The following CLN3 variants were observed in gnomAD, a reference collection of about 807,000 sequenced individuals.
CLN3 encodes the protein CLN3 lysosomal/endosomal transmembrane protein, battenin.
CLN3 carries 49 observed loss-of-function variants against 60.7 expected under a neutral mutation model. That is an observed-to-expected ratio of 0.81 (90% CI 0.64 to 1.02). The LOEUF is 1.02. Ranked by LOEUF, CLN3 falls within the 50% of genes least tolerant of loss-of-function variation. CLN3 has a pLI of 0.00. For missense variants in CLN3, 516 were observed against 557.4 expected (o/e 0.93, Z 0.75); for synonymous variants, 256 against 245.8 (o/e 1.04, Z -0.39).
chr16:28,474,599 T>G (rs571699142), downstream of CLN3, among the ~76,000 whole-genome samples: 2 of 152,206 alleles, frequency 1.3e-5, no homozygotes, highest in African/African-American at 4.8e-5. Flanking sequence ...GAATGTAAAA[T>G]TGCAGCCACT....
downstream of CLN3, among the ~76,000 whole-genome samples, chr16:28,474,847 A>G (rs1376639131): frequency 6.6e-6 from 1 of 152,200 alleles, no homozygotes; most frequent in African/African-American, 2.4e-5. Context: ...CATGGGTAAT[A>G]ATCCCAGACC....
At chr16:28,489,832 G>A (rs191841582) in intron 3 of CLN3, among the ~76,000 whole-genome samples, 192 of 152,226 alleles carry the variant, frequency 1.3e-3, no homozygotes, top group Non-Finnish European at 1.1e-3. Context: ...CGAGGCGGGC[G>A]GATCGCCTGA....
At chr16:28,487,933 T>G in intron 5 of CLN3, 192 bp from the exon 6 acceptor site, 1 of 602,976 alleles carries the variant, frequency 1.7e-6, no homozygotes, top group Non-Finnish European at 3.0e-6. Flanking sequence ...CTCTCTGAGC[T>G]TCAGTTTCCT....
intron 14 of CLN3, among the ~76,000 whole-genome samples, chr16:28,481,696 T>C (rs2046098601): frequency 6.6e-6 from 1 of 152,080 alleles, no homozygotes; most frequent in Non-Finnish European, 1.5e-5. Flanking sequence ...TTTGGTTCCC[T>C]GTGCTAAGAA....
rs946712652 is a variant in CLN3, at chr16:28,492,045, A to G, written c.-102T>C. On this transcript the variant is annotated 5_prime_UTR_variant, in exon 1 of 16. Transcript: ENST00000636147. ...CTTTAAGAGCAGCAGAATGTTCTGC[A>G]CTATGCAGAGGCCGTTTGTCGGATC... The G allele has an allele frequency of 1.8e-6, 1 of 555,914 alleles. No homozygotes were observed. The highest frequency in any genetic ancestry group is 3.2e-6 in the Non-Finnish European group (1 of 308,900). The allele number at this position is 555,914 out of a possible 1,614,324, so 34.4% of individuals were successfully genotyped here.
downstream of CLN3, among the ~76,000 whole-genome samples, chr16:28,471,792 C>T (rs2045952081): frequency 1.3e-5 from 2 of 149,016 alleles, no homozygotes; most frequent in Admixed American, 1.4e-4. Context: ...CATCTTACTG[C>T]CTGTGTGTGT....
At chr16:28,473,351 T>C (rs2045967350), downstream of CLN3, among the ~76,000 whole-genome samples, 2 of 152,148 alleles carry the variant, frequency 1.3e-5, no homozygotes, top group Admixed American at 1.3e-4. Context: ...CCCAGAATGC[T>C]GGGATTATAG....
rs767753225 is a variant in CLN3, at chr16:28,481,417, AACACACACACACAC to A, written c.1056+674_1056+687del. On this transcript the variant is annotated intron_variant, in intron 14 of 15. Transcript: ENST00000636147. ...GGCCCGGCCCAATCCCAATGCTTAA[AACACACACACACAC>A]ACACACACACACACACACACACGCA... Among the ~76,000 whole-genome samples, 46 of 129,676 alleles carry A rather than the reference AACACACACACACAC, an allele frequency of 3.5e-4. 1 individual carries two copies. The East Asian group carries it at 6.9e-3, about 20-fold the overall frequency. 85.1% of individuals were successfully genotyped at this position (129,676 alleles called of 152,430 possible).
intron 3 of CLN3, among the ~76,000 whole-genome samples, chr16:28,489,950 A>G (rs1430065077): frequency 6.6e-6 from 1 of 151,518 alleles, no homozygotes; most frequent in Non-Finnish European, 1.5e-5. Flanking sequence ...CTAGCTACTC[A>G]GGAGGCTGAG....
chr16:28,486,405 G>A lies in CLN3; in HGVS notation c.619C>T (p.Leu207Phe), dbSNP rs1335688123. 5.0e-6 allele frequency: 8 copies of A among 1,613,302 alleles called. No individual in the cohort carries two copies. Among genetic ancestry groups the A allele is most frequent in the Non-Finnish European group, 6.8e-6 (8 of 1,179,968 alleles). Residue 207 changes from leucine to phenylalanine, a missense_variant, in exon 9 of 16, where the codon CTC (leucine) becomes TTC (phenylalanine). Leu to Phe is a conservative substitution (Grantham distance 22). Transcript: ENST00000636147. ...LSYLGLTQAGLSPQQTLLSML... is the reference protein window; with the variant it reads ...LSYLGLTQAGFSPQQTLLSML... Reference sequence around the variant, plus strand: ...GACAGCAGGGTCTGCTGAGGGGAGAGGCCGGCCTGGGTGAGGCCCAGGTAG... The same window carrying A: ...GACAGCAGGGTCTGCTGAGGGGAGAAGCCGGCCTGGGTGAGGCCCAGGTAG...
At chr16:28,469,768 C>T (rs1158862586), downstream of CLN3, 29 of 380,820 alleles carry the variant, frequency 7.6e-5, no homozygotes, top group East Asian at 3.9e-4. Context: ...AGGCGGATCA[C>T]GAGGTCAAGA....
chr16:28,486,563 G>T lies in CLN3; in HGVS notation c.533+15C>A. The T allele has an allele frequency of 6.2e-7, 1 of 1,609,032 alleles. No individual in the cohort carries two copies. Among genetic ancestry groups the T allele is most frequent in the Non-Finnish European group, 8.5e-7 (1 of 1,177,798 alleles). The stretch of plus-strand genomic sequence containing the variant: ...GGGACAGCCTCTCCCCACACTCCCT[G>T]CTCCACCTGCTTACCTGGGGTAGAA... On this transcript the variant is annotated intron_variant, in intron 8 of 15. Transcript: ENST00000636147.
intron 14 of CLN3, among the ~76,000 whole-genome samples, chr16:28,478,871 T>C (rs2046041618): frequency 6.6e-6 from 1 of 151,574 alleles, no homozygotes; most frequent in Non-Finnish European, 1.5e-5. Context: ...GGCAGCAAAA[T>C]TGCCCCTATT....
At chr16:28,473,358 A>G (rs1166022911), downstream of CLN3, among the ~76,000 whole-genome samples, 1 of 152,146 alleles carries the variant, frequency 6.6e-6, no homozygotes, top group Non-Finnish European at 1.5e-5. Flanking sequence ...TGCTGGGATT[A>G]TAGGCATGAG....
intron 2 of CLN3, 25 bp downstream of exon 2, chr16:28,491,689 C>T (rs2046318073): frequency 6.2e-7 from 1 of 1,614,142 alleles, no homozygotes. Flanking sequence ...GTGGTCGTTC[C>T]ATGAGGGTGG....
intron 14 of CLN3, among the ~76,000 whole-genome samples, chr16:28,480,412 T>G (rs1273671254): frequency 6.6e-6 from 1 of 151,096 alleles, no homozygotes; most frequent in Non-Finnish European, 1.5e-5. Flanking sequence ...CTAAGTCTTT[T>G]TTTTTGGAGA....
chr16:28,485,684 TAAAA>T (rs758152793), intron 9 of CLN3, among the ~76,000 whole-genome samples: 4 of 84,566 alleles, frequency 4.7e-5, no homozygotes, highest in African/African-American at 1.5e-4. Context: ...CAACACTGAT[TAAAA>T]AAAAAAAAAA....
At position 28,491,747 on chromosome 16, in the gene CLN3, C is replaced by A; in HGVS notation, c.13G>T (p.Ala5Ser). 6.2e-7 allele frequency: 1 copy of A among 1,614,012 alleles called. No individual in the cohort carries two copies. Among genetic ancestry groups the A allele is most frequent in the South Asian group, 1.1e-5 (1 of 91,078 alleles). Reference protein sequence around the residue: MGGCAGSRRRFSDSE... With the variant: MGGCSGSRRRFSDSE... ...TCCGAAAAGCGCCGCCGCGAGCCTG[C>A]ACAGCCTCCCATCGCATCAAGTTCA... The change falls in exon 2 of 16, where the codon GCA becomes TCA. Residue 5 changes from alanine to serine, a missense_variant. Physicochemically the swap from Ala to Ser is moderately conservative, Grantham distance 99 (BLOSUM62 1). Coordinates refer to ENST00000636147, the MANE Select transcript of CLN3 (RefSeq NM_001042432.2).
Position 28,490,640 on chromosome 16 carries a change from G to C in CLN3, c.125+842C>G, listed in dbSNP as rs866112500. Among the ~76,000 whole-genome samples the C allele has an allele frequency of 1.0e-4, 15 of 148,478 alleles. 1 individual carries two copies. Among genetic ancestry groups the C allele is most frequent in the Admixed American group, 2.7e-4 (4 of 14,560 alleles). On this transcript the variant is annotated intron_variant, in intron 3 of 15. Coordinates refer to ENST00000636147, the MANE Select transcript of CLN3 (RefSeq NM_001042432.2). ...CCGGGCGTGGTGGCAGGCGCCTGTA[G>C]TCTCAGCTACTCCGGAGGCTGAGGC...
Sources: gnomAD v4.1 joint callset for allele counts (sites outside exome capture counted in the v4.1 genomes callset) on GRCh38, gnomAD v4.1.1 for gene constraint, MANE v1.5 for transcripts, NCBI Gene and HGNC (gene_info 2026-07-23, HGNC 2026-07-21) for gene names.